SRP68: variants seen among roughly 807,000 people sequenced by gnomAD.
SRP68 encodes the protein signal recognition particle 68.
A neutral mutation model predicts 82.2 loss-of-function variants in SRP68; 15 were observed. The ratio of observed to expected loss-of-function variants is 0.18; its 90% CI spans 0.12 to 0.28. The LOEUF is 0.28. Ranked by LOEUF, SRP68 falls within the 10% of genes least tolerant of loss-of-function variation. The pLI is 1.00. For synonymous variants in SRP68, 261 were observed against 292.6 expected (o/e 0.89, Z 1.10); for missense variants, 595 against 780.5 (o/e 0.76, Z 2.83).
chr17:76,042,535 TAAAA>T (rs59216233), intron 13 of SRP68, among the ~76,000 whole-genome samples: 3 of 129,844 alleles, frequency 2.3e-5, no homozygotes, highest in Non-Finnish European at 3.3e-5. Flanking sequence ...GACTCCATCT[TAAAA>T]AAAAAAAAAA....
At chr17:76,044,957 G>C (rs990294514) in intron 12 of SRP68, 5 of 185,172 alleles carry the variant, frequency 2.7e-5, no homozygotes, top group African/African-American at 1.2e-4. Context: ...GGTCAGGCTG[G>C]TCTCGAACTC....
At chr17:76,053,412 C>G in intron 8 of SRP68, 2 of 974,968 alleles carry the variant, frequency 2.1e-6, no homozygotes, top group Non-Finnish European at 1.2e-6. Flanking sequence ...GTGGTTGGAG[C>G]AACCGGCGTT....
chr17:76,063,160 AT>A (rs2066782164), intron 4 of SRP68, among the ~76,000 whole-genome samples: 1 of 152,106 alleles, frequency 6.6e-6, no homozygotes, highest in Admixed American at 6.6e-5. Flanking sequence ...ATTTATTATG[AT>A]TTATTCACTT....
intron 6 of SRP68, 49 bp downstream of exon 6, chr17:76,061,061 C>A: frequency 8.9e-7 from 1 of 1,119,768 alleles, no homozygotes; most frequent in Non-Finnish European, 1.4e-6. Context: ...CCCAATAGGC[C>A]ATCTATCAAT....
In SRP68 at chr17:76,061,137, T is replaced by C. The variant is rs1164068261; in HGVS notation, c.727A>G (p.Asn243Asp). 1 of 1,613,280 alleles carries C rather than the reference T, an allele frequency of 6.2e-7. No homozygotes were observed. The highest frequency in any genetic ancestry group is 1.7e-5 in the Admixed American group (1 of 60,012). ...ATATTATATGCACAATAGCGGATGT[T>C]GGGTGAAATCTCTTCCACACGTTGG... ...YNQRVEEISP[N>D]IRYCAYNIGD... is the part of the protein sequence containing the mutation. Residue 243 changes from asparagine (N) to aspartate (D), a missense_variant, in exon 6 of 16, where the codon AAC becomes GAC. Physicochemically the swap from Asn to Asp is conservative, Grantham distance 23 (BLOSUM62 1). This residue lies in a region of SRP68 where 495 missense variants were observed against 688.6 expected (regional missense o/e 0.72). Coordinates refer to ENST00000307877, the MANE Select transcript of SRP68 (RefSeq NM_014230.4).
intron 8 of SRP68, among the ~76,000 whole-genome samples, chr17:76,056,419 T>C (rs1361015975): frequency 1.3e-5 from 2 of 152,210 alleles, no homozygotes; most frequent in African/African-American, 2.4e-5. Flanking sequence ...ACAGTGCCAA[T>C]AGAATGCTCT....
intron 4 of SRP68, among the ~76,000 whole-genome samples, chr17:76,062,485 G>GAT (rs1195495565): frequency 5.7e-4 from 55 of 95,856 alleles, no homozygotes; most frequent in Middle Eastern, 6.3e-3. Context: ...AGAATATGGA[G>GAT]ATATATATAT....
At chr17:76,067,599 G>A (rs1452537565) in intron 2 of SRP68, among the ~76,000 whole-genome samples, 1 of 152,046 alleles carries the variant, frequency 6.6e-6, no homozygotes, top group Non-Finnish European at 1.5e-5. Flanking sequence ...GGGTAGATGT[G>A]ACCAACAGAG....
At chr17:76,062,605 ATAT>A (rs1469387992) in intron 4 of SRP68, among the ~76,000 whole-genome samples, 2 of 92,502 alleles carry the variant, frequency 2.2e-5, no homozygotes, top group African/African-American at 1.1e-4. Flanking sequence ...TATACATTAT[ATAT>A]TATATAATAT....
rs146337217 is a variant in SRP68 at position 76,048,046 on chromosome 17, G to C, written c.1078-76C>G. The C allele has an allele frequency of 1.9e-3, 1,792 of 933,432 alleles. 18 individuals carry two copies. In the African/African-American group the frequency reaches 0.027, roughly 14 times the overall value. The allele number at this position is 933,432 out of a possible 1,614,324, so 57.8% of individuals were successfully genotyped here. A position where few individuals can be genotyped will look rare whatever the true frequency, so the allele number is the denominator to read the frequency against. On this transcript the variant is annotated intron_variant, in intron 9 of 15. Coordinates refer to ENST00000307877, the MANE Select transcript of SRP68 (RefSeq NM_014230.4). ...CTCTGACCACCTCATGGAATGGTGG[G>C]GTCTCCAAAGTGCCCTGAACATAGA...
rs183903917 is a variant in SRP68, at chr17:76,062,986, G to T, written c.561+990C>A. Reference sequence around the variant, plus strand: ...GGGGTTTCACCGTGTTAGCCAGGATGGTCTCGATCTCCTGACTTTGTGATC... The same window carrying T: ...GGGGTTTCACCGTGTTAGCCAGGATTGTCTCGATCTCCTGACTTTGTGATC... On this transcript the variant is annotated intron_variant, in intron 4 of 15. Coordinates refer to ENST00000307877, the MANE Select transcript of SRP68 (RefSeq NM_014230.4). 8.9e-3 allele frequency among the ~76,000 whole-genome samples: 1,344 copies of T among 150,818 alleles called. 10 individuals are homozygous for T. Among genetic ancestry groups the T allele is most frequent in the Non-Finnish European group, 0.014 (968 of 67,830 alleles).
In SRP68 at chr17:76,072,351, T is replaced by A; in HGVS notation, c.141A>T (p.Gly47=). 6.2e-7 allele frequency: 1 copy of A among 1,612,894 alleles called. No individual in the cohort carries two copies. The highest frequency in any genetic ancestry group is 1.1e-5 in the South Asian group (1 of 90,956). The change falls in exon 1 of 16, where the codon GGA becomes GGT. Residue 47 remains glycine, a synonymous_variant. Coordinates refer to ENST00000307877, the MANE Select transcript of SRP68 (RefSeq NM_014230.4). This position sits in a 1 kb window ranked among gnomAD's most constrained non-coding sequence, Gnocchi z 4.5. ...CCCCAAATTCTTTGTTTGCCTTCGA[T>A]CCGGCCGAAGGGCGTTCGTTTTCTT... The part of the protein sequence containing the change: ...ENKENERPSA[G]SKANKEFGDS...
At chr17:76,042,243 CTG>C (rs2066596654) in intron 13 of SRP68, among the ~76,000 whole-genome samples, 1 of 152,062 alleles carries the variant, frequency 6.6e-6, no homozygotes, top group Non-Finnish European at 1.5e-5. Flanking sequence ...CTTAGACCAG[CTG>C]ATGTTGCAAC....
At chr17:76,040,644 C>T (rs2066582561) in intron 14 of SRP68, 170 bp from the exon 15 acceptor site, 1 of 718,756 alleles carries the variant, frequency 1.4e-6, no homozygotes, top group Admixed American at 2.4e-5. Context: ...ACAGATCAAT[C>T]CCAGATCCAA....
Position 76,039,551 on chromosome 17 carries a change from G to C in SRP68, c.*155C>G. 1.4e-6 allele frequency: 1 copy of C among 739,160 alleles called. No homozygotes were observed. The highest frequency in any genetic ancestry group is 2.4e-5 in the Admixed American group (1 of 42,134). The allele number at this position is 739,160 out of a possible 1,614,324, so 45.8% of individuals were successfully genotyped here. A position where few individuals can be genotyped will look rare whatever the true frequency, so the allele number is the denominator to read the frequency against. Reference sequence around the variant, plus strand: ...CTCCTGACACGCTGCTTAAGAACGTGTACAGACACAAGATGTAGGAATGCA... The same window carrying C: ...CTCCTGACACGCTGCTTAAGAACGTCTACAGACACAAGATGTAGGAATGCA... On this transcript the variant is annotated 3_prime_UTR_variant, in exon 16 of 16. Transcript: ENST00000307877.
intron 15 of SRP68, 149 bp from the exon 16 acceptor site, chr17:76,040,082 A>G (rs2066577882): frequency 1.3e-6 from 1 of 773,240 alleles, no homozygotes; most frequent in African/African-American, 1.7e-5. Context: ...AGGAGGGGCT[A>G]CCACATCCCT....
At position 76,043,916 on chromosome 17, in the gene SRP68, C is replaced by T; in HGVS notation, c.1437G>A (p.Trp479Ter). ...IAQSYVLVKK[W>*]SEALVLYDRV... ...TGTCATACAGGACAAGGGCTTCGCT[C>T]CACTTCTTCACCAGCACATAGGACT... The change falls in exon 13 of 16, where the codon TGG (tryptophan) becomes TGA (stop). Residue 479 changes from tryptophan to a stop codon, truncating the protein, a stop_gained. Transcript: ENST00000307877. LOFTEE classifies it high-confidence loss of function. 6.2e-7 allele frequency: 1 copy of T among 1,611,078 alleles called. No individual in the cohort carries two copies. Among genetic ancestry groups the T allele is most frequent in the Non-Finnish European group, 8.5e-7 (1 of 1,179,184 alleles).
At chr17:76,063,048 G>A (rs1158168283) in intron 4 of SRP68, among the ~76,000 whole-genome samples, 3 of 151,516 alleles carry the variant, frequency 2.0e-5, no homozygotes, top group South Asian at 2.1e-4. Flanking sequence ...GGGATTACAG[G>A]CGTGAGCCAC....
intron 2 of SRP68, among the ~76,000 whole-genome samples, chr17:76,070,030 T>C (rs565907323): frequency 6.6e-6 from 1 of 151,740 alleles, no homozygotes; most frequent in African/African-American, 2.4e-5. Flanking sequence ...TGAGCCAGGA[T>C]TGCGCCACTA....
Sources: gnomAD v4.1 joint callset for allele counts (sites outside exome capture counted in the v4.1 genomes callset) on GRCh38, gnomAD v4.1.1 for gene constraint, gnomAD v4.1.1 regional missense constraint, Gnocchi (gnomAD v3.1) non-coding constraint, MANE v1.5 for transcripts, NCBI Gene and HGNC (gene_info 2026-07-23, HGNC 2026-07-21) for gene names.